The following TOP2B variants were observed in gnomAD, a reference collection of about 807,000 sequenced individuals.
The protein encoded by TOP2B is DNA topoisomerase II beta, also known as DNA topoisomerase 2-beta.
A neutral mutation model predicts 193.5 loss-of-function variants in TOP2B; 51 were observed. That is an observed-to-expected ratio of 0.26 (90% confidence interval 0.21 to 0.33). The LOEUF (loss-of-function observed/expected upper bound fraction) is 0.33, where lower values mean the gene tolerates loss of function less well. Among genes scored for constraint, TOP2B ranks in the 10% least tolerant of loss-of-function variants. The pLI is 1.00. For missense variants in TOP2B, 1,378 were observed against 1,909.3 expected (o/e 0.72, Z 5.19); for synonymous variants, 634 against 635.7 (o/e 1.00, Z 0.04).
chr3:25,652,672 A>T (rs1376869150), intron 1 of TOP2B, among the ~76,000 whole-genome samples: 1 of 152,218 alleles, frequency 6.6e-6, no homozygotes, highest in Non-Finnish European at 1.5e-5. Context: ...AATGCAGCTA[A>T]AACAGTATTA....
chr3:25,599,768 T>G (rs1414220742), intron 34 of TOP2B, among the ~76,000 whole-genome samples: 2 of 152,254 alleles, frequency 1.3e-5, no homozygotes, highest in Non-Finnish European at 2.9e-5. Context: ...AAGACAAATT[T>G]TAATGATGAA....
Position 25,641,834 on chromosome 3 carries a change from C to G in TOP2B, c.395+488G>C, listed in dbSNP as rs564378645. 2.6e-5 allele frequency among the ~76,000 whole-genome samples: 4 copies of G among 152,156 alleles called. No individual in the cohort carries two copies. The East Asian group carries it at 5.8e-4, about 22-fold the overall frequency. ...TAACAGCTATGTTTCTGATTTAATG[C>G]TACTATTTTTTATACATCTTCATTC... On this transcript the variant is annotated intron_variant, in intron 4 of 35. Coordinates refer to ENST00000264331, the MANE Select transcript of TOP2B (RefSeq NM_001330700.2).
intron 4 of TOP2B, among the ~76,000 whole-genome samples, chr3:25,641,536 G>GA (rs111436270): frequency 0.36 from 53,770 of 151,382 alleles, 10,259 homozygotes; most frequent in African/African-American, 0.5. Context: ...AAAAAATGGA[G>GA]AAAAAAATAA....
At position 25,664,628 on chromosome 3, in the gene TOP2B, T is replaced by G; in HGVS notation, c.-331A>C. On this transcript the variant is annotated 5_prime_UTR_variant, in exon 1 of 36. Coordinates refer to ENST00000264331, the MANE Select transcript of TOP2B (RefSeq NM_001330700.2). ...CCGCGGGCGCCGCTGCAGGCCGGGCTGAAGCCCGGGCGTGCGAGCCGCGAG... is the reference window on the plus strand; with the variant it reads ...CCGCGGGCGCCGCTGCAGGCCGGGCGGAAGCCCGGGCGTGCGAGCCGCGAG... The G allele has an allele frequency of 5.0e-6, 5 of 991,250 alleles. No individual in the cohort carries two copies. Among genetic ancestry groups the G allele is most frequent in the Non-Finnish European group, 6.0e-6 (5 of 834,390 alleles). 61.4% of individuals were successfully genotyped at this position (991,250 alleles called of 1,614,324 possible). A position where few individuals can be genotyped will look rare whatever the true frequency, so the allele number is the denominator to read the frequency against.
chr3:25,598,235 A>G lies in TOP2B; in HGVS notation c.*72T>C, dbSNP rs1311846614. ...CACATTAAAATAAGCCAGATGTACA[A>G]AAGTCTGAGACAGAGAAGACAAAAG... On this transcript the variant is annotated 3_prime_UTR_variant, in exon 36 of 36. Coordinates refer to ENST00000264331, the MANE Select transcript of TOP2B (RefSeq NM_001330700.2). The G allele has an allele frequency of 5.5e-6, 8 of 1,462,612 alleles. No homozygotes were observed. Among genetic ancestry groups the G allele is most frequent in the East Asian group, 2.3e-5 (1 of 43,168 alleles). The allele number at this position is 1,462,612 out of a possible 1,614,324, so 90.6% of individuals were successfully genotyped here.
In TOP2B at chr3:25,642,315, T is replaced by G; in HGVS notation, c.395+7A>C. 6.6e-7 allele frequency: 1 copy of G among 1,513,924 alleles called. No homozygotes were observed. 93.8% of individuals were successfully genotyped at this position (1,513,924 alleles called of 1,614,324 possible). On this transcript the variant is annotated splice_region_variant and intron_variant, in intron 4 of 35. Transcript: ENST00000264331. ...AGCATAAAAAATTAAACTTTAAATA[T>G]ACTTACGGATCAATAGAAACTTTAA...
At chr3:25,600,646 G>A (rs560474614) in intron 34 of TOP2B, among the ~76,000 whole-genome samples, 9 of 152,316 alleles carry the variant, frequency 5.9e-5, no homozygotes, top group African/African-American at 1.7e-4. Context: ...CCAGATTCTG[G>A]AGTTAAAGAG....
chr3:25,656,023 T>C (rs1703735428), intron 1 of TOP2B, among the ~76,000 whole-genome samples: 1 of 152,188 alleles, frequency 6.6e-6, no homozygotes, highest in African/African-American at 2.4e-5. Context: ...AATGTTGTAT[T>C]TTTTTACAAC....
At chr3:25,647,239 A>G (rs997974629) in intron 1 of TOP2B, among the ~76,000 whole-genome samples, 5 of 152,216 alleles carry the variant, frequency 3.3e-5, no homozygotes, top group Non-Finnish European at 7.3e-5. Context: ...GGCCAGGCGC[A>G]GTGACGTTAA....
At position 25,631,487 on chromosome 3, in the gene TOP2B, G is replaced by GT. The variant is rs1469305468; in HGVS notation, c.1267-549dup. On this transcript the variant is annotated intron_variant, in intron 10 of 35. Transcript: ENST00000264331. ...GCAGTGAATCAATCTGTGGCAAGAT[G>GT]TTAACCCAGACAGAAAAAGGAAAAG... Among the ~76,000 whole-genome samples, 3 of 152,182 alleles carry GT rather than the reference G, an allele frequency of 2.0e-5. No homozygotes were observed. The South Asian group carries it at 6.2e-4, about 32-fold the overall frequency.
intron 1 of TOP2B, among the ~76,000 whole-genome samples, chr3:25,659,163 C>G (rs1703838607): frequency 6.6e-6 from 1 of 152,092 alleles, no homozygotes; most frequent in South Asian, 2.1e-4. Flanking sequence ...TCTTTTCTCC[C>G]TCAAGGCTGC....
At chr3:25,613,681 T>C (rs956977263) in intron 27 of TOP2B, among the ~76,000 whole-genome samples, 1 of 151,948 alleles carries the variant, frequency 6.6e-6, no homozygotes, top group Non-Finnish European at 1.5e-5. Context: ...TGAGCCATGA[T>C]TGTACCACTG....
intron 12 of TOP2B, 55 bp from the exon 13 acceptor site, chr3:25,630,209 C>A: frequency 2.0e-6 from 3 of 1,520,596 alleles, no homozygotes; most frequent in Admixed American, 2.2e-5. Context: ...ATATACGAGT[C>A]AGAAATTACA....
intron 21 of TOP2B, among the ~76,000 whole-genome samples, chr3:25,621,418 G>A (rs746637704): frequency 3.9e-5 from 6 of 152,020 alleles, no homozygotes; most frequent in East Asian, 1.9e-4. Flanking sequence ...CTGGAGTGCC[G>A]TGGCACGATA....
chr3:25,627,046 C>T (rs749878003), intron 16 of TOP2B, 141 bp downstream of exon 16: 11 of 709,368 alleles, frequency 1.6e-5, no homozygotes, highest in East Asian at 5.3e-5. Flanking sequence ...TATACAAGCA[C>T]AGCATCATCT....
At chr3:25,620,452 C>A (rs1043847804) in intron 22 of TOP2B, among the ~76,000 whole-genome samples, 1 of 152,026 alleles carries the variant, frequency 6.6e-6, no homozygotes, top group African/African-American at 2.4e-5. Flanking sequence ...TAAATAAATA[C>A]AAAGATAATA....
Position 25,633,924 on chromosome 3 carries a change from T to C in TOP2B, c.943A>G (p.Asn315Asp), listed in dbSNP as rs1156241206. ...GTGAGACAAACATCCCATCTTTCAT[T>C]TGCAAGCTCATGAATAACTTTCAGG... is the stretch of plus-strand genomic sequence containing the variant. ...VALKVIHELA[N>D]ERWDVCLTLS... The change falls in exon 8 of 36, where the codon AAT becomes GAT. Residue 315 changes from asparagine (N) to aspartate (D), a missense_variant. Asn to Asp is a conservative substitution (Grantham distance 23). Coordinates refer to ENST00000264331, the MANE Select transcript of TOP2B (RefSeq NM_001330700.2). 4.3e-6 allele frequency: 7 copies of C among 1,613,144 alleles called. No homozygotes were observed. The Admixed American group carries it at 6.7e-5, about 15-fold the overall frequency.
At chr3:25,630,999 T>TGTGTG in intron 10 of TOP2B, 60 bp from the exon 11 acceptor site, 1 of 1,443,008 alleles carries the variant, frequency 6.9e-7, no homozygotes, top group Non-Finnish European at 9.3e-7. Context: ...TTAGCTAAAA[T>TGTGTG]GTATAGGGCC....
In TOP2B at chr3:25,629,028, AG is replaced by A; in HGVS notation, c.1800+6del. 6.3e-7 allele frequency: 1 copy of A among 1,583,492 alleles called. No homozygotes were observed. On this transcript the variant is annotated splice_donor_region_variant and intron_variant, in intron 14 of 35. Coordinates refer to ENST00000264331, the MANE Select transcript of TOP2B (RefSeq NM_001330700.2). The stretch of plus-strand genomic sequence containing the variant: ...ACAATATAAAAATATATTAATGCAA[AG>A]AGTACCTTTACAATAGGAGTAATGA...
Sources: allele counts gnomAD v4.1 joint callset (sites outside exome capture counted in the v4.1 genomes callset), GRCh38; gene constraint gnomAD v4.1.1; transcripts MANE v1.5; gene names NCBI Gene and HGNC (gene_info 2026-07-23, HGNC 2026-07-21).